The following TENT5D variants were observed in gnomAD, a reference collection of about 807,000 sequenced individuals.
The protein encoded by TENT5D is cancer/testis antigen 112.
For missense variants in TENT5D, 191 were observed against 287.0 expected, an observed-to-expected ratio of 0.67 and a Z score of 2.42; for synonymous variants, 103 against 100.6, an observed-to-expected ratio of 1.02 and a Z score of -0.15.
intron 3 of TENT5D, among the ~76,000 whole-genome samples, chrX:80,411,781 A>C (rs1331750430): frequency 1.8e-5 from 2 of 112,514 alleles, no homozygotes; most frequent in African/African-American, 6.5e-5. Context: ...GATTATCTAC[A>C]AGCATTTATT....
At chrX:80,384,784 GACAA>G (rs768410509) in intron 3 of TENT5D, among the ~76,000 whole-genome samples, 21 of 107,464 alleles carry the variant, frequency 2.0e-4, no homozygotes, top group Non-Finnish European at 4.0e-4. Context: ...ACCAATAACA[GACAA>G]ACAGAGAGCC....
intron 3 of TENT5D, among the ~76,000 whole-genome samples, chrX:80,406,895 G>A (rs1399346038): frequency 1.4e-3 from 140 of 100,147 alleles, no homozygotes; most frequent in South Asian, 2.6e-3. Flanking sequence ...GACTAACAGC[G>A]GATCTCTTGG....
intron 3 of TENT5D, among the ~76,000 whole-genome samples, chrX:80,395,447 T>G (rs1198505195): frequency 1.8e-5 from 2 of 111,964 alleles, no homozygotes; most frequent in African/African-American, 6.5e-5. Context: ...CTGTATACTG[T>G]TTTTTATAAT....
At chrX:80,443,064 C>G in exon 3 of TENT5D, 1 of 1,210,925 alleles carries the variant, frequency 8.3e-7, no homozygotes, top group Non-Finnish European at 1.1e-6. Flanking sequence ...GTGTAGATTC[C>G]TTTCAAATTG....
chrX:80,417,037 C>G (rs1023443675), upstream of TENT5D, among the ~76,000 whole-genome samples: 4 of 111,347 alleles, frequency 3.6e-5, no homozygotes, highest in Admixed American at 3.8e-4. Context: ...TGAATTGAAC[C>G]CTTTACTACT....
exon 3 of TENT5D, chrX:80,443,480 T>G (rs770805267): frequency 8.3e-7 from 1 of 1,211,088 alleles, no homozygotes; most frequent in Non-Finnish European, 1.1e-6. Flanking sequence ...GTTTGCCTCA[T>G]GAGTTATGAA....
Position 80,443,510 on chromosome X carries a change from TG to T in TENT5D, c.972del (p.Ile325SerfsTer3). ...TATGAAAGAAGACAGATTCTCCACC[TG>T]ATCACCATGATGGCTTTGAAAGTAC... On this transcript the variant is annotated frameshift_variant, in exon 3 of 3. Coordinates refer to ENST00000308293, the Ensembl canonical transcript of TENT5D. LOFTEE classifies it low-confidence loss of function (END_TRUNC). 1 of 1,210,844 alleles carries T rather than the reference TG, an allele frequency of 8.3e-7. No homozygotes were observed. The highest frequency in any genetic ancestry group is 1.8e-5 in the South Asian group (1 of 56,949).
intron 3 of TENT5D, among the ~76,000 whole-genome samples, chrX:80,401,244 A>G (rs1931385314): frequency 8.9e-6 from 1 of 111,746 alleles, no homozygotes; most frequent in African/African-American, 3.2e-5. Context: ...AATGCTACCA[A>G]TTTTTGCATA....
chrX:80,353,221 T>A (rs1366919887), intron 3 of TENT5D, among the ~76,000 whole-genome samples: 3 of 112,635 alleles, frequency 2.7e-5, no homozygotes, highest in African/African-American at 9.7e-5. Context: ...CTTTGTAAGA[T>A]GTGTGACTTG....
intron 3 of TENT5D, among the ~76,000 whole-genome samples, chrX:80,410,183 G>T (rs1275953963): frequency 9.1e-6 from 1 of 109,990 alleles, no homozygotes; most frequent in Non-Finnish European, 1.9e-5. Context: ...ATAGGCATGG[G>T]CAAGGACTTC....
chrX:80,372,693 C>A (rs769074313), intron 3 of TENT5D, among the ~76,000 whole-genome samples: 25 of 109,455 alleles, frequency 2.3e-4, no homozygotes, highest in Non-Finnish European at 4.0e-4. Flanking sequence ...TCGAGAACAG[C>A]CTGACCAACA....
upstream of TENT5D, among the ~76,000 whole-genome samples, chrX:80,417,522 C>T (rs1323746827): frequency 1.8e-5 from 2 of 108,923 alleles, no homozygotes; most frequent in Admixed American, 9.9e-5. Context: ...ATTCCTTTAG[C>T]ATTAGCTTTT....
At chrX:80,389,596 C>A (rs1355845727) in intron 3 of TENT5D, among the ~76,000 whole-genome samples, 1 of 111,784 alleles carries the variant, frequency 8.9e-6, no homozygotes, top group Non-Finnish European at 1.9e-5. Flanking sequence ...GTAGAAGTGG[C>A]CAAAAAGATA....
In TENT5D at chrX:80,348,403, C is replaced by G. The variant is rs112820301; in HGVS notation, c.-142+5839C>G. ...TTCACATCCCTTGTAAGTTGGATTC[C>G]TAGGTATTTTATTCTCTTGGTAGCA... is the stretch of plus-strand genomic sequence containing the variant. On this transcript the variant is annotated intron_variant, in intron 3 of 4. Coordinates refer to the TENT5D transcript ENST00000538312. 4.5e-3 allele frequency among the ~76,000 whole-genome samples: 502 copies of G among 111,110 alleles called. 3 individuals carry two copies. The highest frequency in any genetic ancestry group is 0.015 in the South Asian group (38 of 2,609).
At chrX:80,395,696 T>C (rs1931226808) in intron 3 of TENT5D, among the ~76,000 whole-genome samples, 1 of 110,834 alleles carries the variant, frequency 9.0e-6, no homozygotes, top group South Asian at 3.8e-4. Flanking sequence ...CATTTATTTG[T>C]GTTGGGAATG....
intron 1 of TENT5D, chrX:80,335,600 T>C (rs1431785144): frequency 2.7e-5 from 3 of 111,935 alleles, no homozygotes; most frequent in Non-Finnish European, 5.6e-5. Flanking sequence ...GTTCTTTCTT[T>C]TGTCCTACTC....
intron 3 of TENT5D, among the ~76,000 whole-genome samples, chrX:80,389,125 G>A (rs1931080322): frequency 8.9e-6 from 1 of 111,764 alleles, no homozygotes. Flanking sequence ...GGGAAGTGGT[G>A]GCATCAGCAA....
rs747239817 is a variant in TENT5D, at chrX:80,337,916, C to T, written c.-207+2200C>T. Among the ~76,000 whole-genome samples, 9 of 110,788 alleles carry T rather than the reference C, an allele frequency of 8.1e-5. No homozygotes were observed. The South Asian group carries it at 1.1e-3, about 14-fold the overall frequency. On this transcript the variant is annotated intron_variant, in intron 2 of 4. Coordinates refer to the TENT5D transcript ENST00000538312. Reference sequence around the variant, plus strand: ...AGTAGCTGGGACTACAGGCCCACGCCGCCACACCCGGCTAATTTTTTGTAT... The same window carrying T: ...AGTAGCTGGGACTACAGGCCCACGCTGCCACACCCGGCTAATTTTTTGTAT...
chrX:80,413,892 A>G (rs970540238), intron 3 of TENT5D, among the ~76,000 whole-genome samples: 1 of 112,767 alleles, frequency 8.9e-6, no homozygotes, highest in African/African-American at 3.2e-5. Flanking sequence ...CAAGCAAACA[A>G]CAAAAAAATA....
Sources: gnomAD v4.1 joint callset for allele counts (sites outside exome capture counted in the v4.1 genomes callset) on GRCh38, gnomAD v4.1.1 for gene constraint, MANE v1.5 for transcripts, NCBI Gene and HGNC (gene_info 2026-07-23, HGNC 2026-07-21) for gene names.